The following STX7 variants were observed in gnomAD, a reference collection of about 807,000 sequenced individuals.
The protein encoded by STX7 is syntaxin-7.
In STX7, 34 loss-of-function variants were observed where a neutral mutation model predicts 39.6. The ratio of observed to expected loss-of-function variants is 0.86; its 90% confidence interval spans 0.65 to 1.14. STX7 has a LOEUF of 1.14. STX7 is among the 50% of genes most tolerant of loss of function. STX7 has a pLI of 0.00. For synonymous variants in STX7, 119 were observed against 99.1 expected (o/e 1.20, Z -1.19); for missense variants, 284 against 310.4 (o/e 0.92, Z 0.64).
rs771163668 is a variant in STX7, at chr6:132,460,841, T to C, written c.703A>G (p.Arg235Gly). 3 of 1,612,966 alleles carry C rather than the reference T, an allele frequency of 1.9e-6. No individual in the cohort carries two copies. The highest frequency in any genetic ancestry group is 8.5e-7 in the Non-Finnish European group (1 of 1,179,668). ...SRAADYQRKS[R>G]KTLCIIILIL... ...AGAATGATGATGCACAGGGTTTTTC[T>C]GGATTTGCGCTGCAGACGCAAAAAA... Residue 235 changes from arginine (R) to glycine (G), a missense_variant, in exon 10 of 10, where the codon AGA (arginine) becomes GGA (glycine). Arg to Gly is a moderately radical substitution (Grantham distance 125). Transcript: ENST00000367941.
chr6:132,501,599 A>G (rs1018239611), intron 2 of STX7, among the ~76,000 whole-genome samples: 1 of 151,952 alleles, frequency 6.6e-6, no homozygotes, highest in African/African-American at 2.4e-5. Flanking sequence ...ACAATCTTCA[A>G]TCCATGTATC....
chr6:132,477,646 A>T (rs1774906602), intron 2 of STX7, among the ~76,000 whole-genome samples: 1 of 152,194 alleles, frequency 6.6e-6, no homozygotes, highest in Admixed American at 6.5e-5. Flanking sequence ...AATATTAGCT[A>T]AGCATGACAC....
intron 9 of STX7, chr6:132,461,632 C>CA (rs1774401925): frequency 1.8e-6 from 1 of 557,984 alleles, no homozygotes; most frequent in South Asian, 2.7e-5. Flanking sequence ...TTCTTGTTTC[C>CA]AAAATACAAT....
chr6:132,470,646 G>A lies in STX7; in HGVS notation c.388-20C>T, dbSNP rs1774690921. The A allele has an allele frequency of 1.3e-6, 2 of 1,595,144 alleles. No homozygotes were observed. Among genetic ancestry groups the A allele is most frequent in the South Asian group, 2.2e-5 (2 of 88,924 alleles). On this transcript the variant is annotated intron_variant, in intron 5 of 9. Transcript: ENST00000367941. ...ACTGCCCTGAATAATTTAGTAACAG[G>A]ATGGAATGAGAAGGGGCAAAAAAAG... is the stretch of plus-strand genomic sequence containing the variant.
At chr6:132,493,860 G>A (rs1382896419) in intron 2 of STX7, among the ~76,000 whole-genome samples, 1 of 152,134 alleles carries the variant, frequency 6.6e-6, no homozygotes, top group African/African-American at 2.4e-5. Context: ...CAACCAAAAT[G>A]TACAGAGGGA....
chr6:132,499,906 C>T (rs936631234), intron 2 of STX7, among the ~76,000 whole-genome samples: 6 of 152,182 alleles, frequency 3.9e-5, no homozygotes, highest in Admixed American at 2.0e-4. Context: ...AACTGTAGTC[C>T]CTCCCGTTTC....
chr6:132,492,341 G>A (rs896267935), intron 2 of STX7, among the ~76,000 whole-genome samples: 16 of 152,078 alleles, frequency 1.1e-4, no homozygotes, highest in African/African-American at 2.9e-4. Flanking sequence ...AGCACATGCC[G>A]GTATGTTTTT....
At chr6:132,494,496 T>C (rs534025441) in intron 2 of STX7, among the ~76,000 whole-genome samples, 27 of 152,268 alleles carry the variant, frequency 1.8e-4, no homozygotes, top group Non-Finnish European at 2.8e-4. Context: ...AGGGAAGACA[T>C]TGCTAAACAA....
chr6:132,487,766 A>G (rs992153966), intron 2 of STX7, among the ~76,000 whole-genome samples: 1 of 152,226 alleles, frequency 6.6e-6, no homozygotes, highest in Admixed American at 6.5e-5. Context: ...TTTATAATAT[A>G]TCATCTCTCT....
Position 132,458,522 on chromosome 6 carries a change from A to G in STX7, c.*2236T>C, listed in dbSNP as rs1774303782. 1.3e-5 allele frequency: 2 copies of G among 152,200 alleles called. No homozygotes were observed. Among genetic ancestry groups the G allele is most frequent in the African/African-American group, 2.4e-5 (1 of 41,446 alleles). 9.4% of individuals were successfully genotyped at this position (152,200 alleles called of 1,614,324 possible). On this transcript the variant is annotated 3_prime_UTR_variant, in exon 10 of 10. Transcript: ENST00000367941. ...AGCACACAAAAACAAATGTATAGTC[A>G]CTTGATGAGGAAATTCTTCACTTTG...
intron 1 of STX7, among the ~76,000 whole-genome samples, chr6:132,505,760 A>AAAAAC (rs529561725): frequency 2.1e-5 from 3 of 144,990 alleles, no homozygotes; most frequent in African/African-American, 7.8e-5. Flanking sequence ...AAAAAAAAAA[A>AAAAAC]AAAACACAGG....
chr6:132,481,753 C>A (rs1034081906), intron 2 of STX7, among the ~76,000 whole-genome samples: 2 of 152,074 alleles, frequency 1.3e-5, no homozygotes, highest in Non-Finnish European at 2.9e-5. Flanking sequence ...CCCAAAAGTA[C>A]AAACACCATA....
rs1774091469 is a variant in STX7 at position 132,449,284 on chromosome 6, G to C, written c.*11474C>G. ...ACTACTGGTTCATGTCACCACATCTGGCTAATTCTTAATTTTTTTTGTAGA... is the reference window on the plus strand; with the variant it reads ...ACTACTGGTTCATGTCACCACATCTCGCTAATTCTTAATTTTTTTTGTAGA... On this transcript the variant is annotated 3_prime_UTR_variant, in exon 10 of 10. Coordinates refer to ENST00000367941, the MANE Select transcript of STX7 (RefSeq NM_003569.3). The C allele has an allele frequency of 6.6e-6, 1 of 151,984 alleles. No individual in the cohort carries two copies. The highest frequency in any genetic ancestry group is 6.6e-5 in the Admixed American group (1 of 15,244). The allele number at this position is 151,984 out of a possible 1,614,324, so 9.4% of individuals were successfully genotyped here. A position where few individuals can be genotyped will look rare whatever the true frequency, so the allele number is the denominator to read the frequency against.
In STX7 at chr6:132,480,190, G is replaced by C. The variant is rs113588364; in HGVS notation, c.86-4528C>G. On this transcript the variant is annotated intron_variant, in intron 2 of 9. Transcript: ENST00000367941. ...GAAATTACAGAGAAAAAAAATTAAC[G>C]GTGTTCCAAGGACAATGGGATTCAC... Among the ~76,000 whole-genome samples the C allele has an allele frequency of 5.4e-3, 824 of 152,106 alleles. 7 individuals carry two copies. The highest frequency in any genetic ancestry group is 0.019 in the African/African-American group (792 of 41,480).
At chr6:132,472,431 C>A in intron 3 of STX7, 56 bp from the exon 4 acceptor site, 1 of 1,348,476 alleles carries the variant, frequency 7.4e-7, no homozygotes, top group Non-Finnish European at 1.0e-6. Context: ...CTTTAAGCTT[C>A]AACTCTGCCT....
intron 9 of STX7, among the ~76,000 whole-genome samples, chr6:132,461,094 T>C (rs996911204): frequency 4.6e-5 from 7 of 152,172 alleles, no homozygotes; most frequent in African/African-American, 1.4e-4. Flanking sequence ...CAACTTTCAT[T>C]GGTAATTTTT....
Position 132,451,623 on chromosome 6 carries a change from A to T in STX7, c.*9135T>A, listed in dbSNP as rs1774138305. On this transcript the variant is annotated 3_prime_UTR_variant, in exon 10 of 10. Coordinates refer to ENST00000367941, the MANE Select transcript of STX7 (RefSeq NM_003569.3). ...ATGAAGGAGTTTTGGAATATCAGAC[A>T]TCAAAAGTCTAACAAAAAATACAAC... 1 of 152,216 alleles carries T rather than the reference A, an allele frequency of 6.6e-6. No homozygotes were observed. The highest frequency in any genetic ancestry group is 1.5e-5 in the Non-Finnish European group (1 of 68,032). The allele number at this position is 152,216 out of a possible 1,614,324, so 9.4% of individuals were successfully genotyped here.
At position 132,446,038 on chromosome 6, in the gene STX7, T is replaced by G. The variant is rs186678830; in HGVS notation, c.*14720A>C. On this transcript the variant is annotated 3_prime_UTR_variant, in exon 10 of 10. Transcript: ENST00000367941. ...ACTCTAAACACAGAGGGTTAAGGTA[T>G]TAAAGATGAAAGCTAGTACCCTTAC... 11 of 152,316 alleles carry G rather than the reference T, an allele frequency of 7.2e-5. No individual in the cohort carries two copies. Among genetic ancestry groups the G allele is most frequent in the Admixed American group, 3.9e-4 (6 of 15,284 alleles). The allele number at this position is 152,316 out of a possible 1,614,324, so 9.4% of individuals were successfully genotyped here.
chr6:132,470,122 A>G (rs112546139), intron 6 of STX7, 75 bp from the exon 7 acceptor site: 5 of 1,082,342 alleles, frequency 4.6e-6, no homozygotes, highest in African/African-American at 1.7e-5. Flanking sequence ...CCTATTTAAG[A>G]TATATTCATT....
Sources: gnomAD v4.1 joint callset for allele counts (sites outside exome capture counted in the v4.1 genomes callset) on GRCh38, gnomAD v4.1.1 for gene constraint, MANE v1.5 for transcripts, NCBI Gene and HGNC (gene_info 2026-07-23, HGNC 2026-07-21) for gene names.